The following ZNF10 variants were observed in gnomAD, a reference collection of about 807,000 sequenced individuals.
The protein encoded by ZNF10 is zinc finger protein 10, also known as zinc finger protein 10 (KOX 1).
In ZNF10, 8 loss-of-function variants were observed where a neutral mutation model predicts 12.2. That is an observed-to-expected ratio of 0.66 (90% CI 0.39 to 1.18). The LOEUF is 1.18. Ranked by LOEUF, ZNF10 falls within the 50% of genes most tolerant of loss-of-function variation. The probability of loss-of-function intolerance (pLI) is 0.01; values close to 1 mark genes in which losing one functional copy is unlikely to be tolerated. For synonymous variants in ZNF10, 229 were observed against 228.2 expected, an observed-to-expected ratio of 1.00 and a Z score of -0.03; for missense variants, 603 against 678.9, an observed-to-expected ratio of 0.89 and a Z score of 1.24.
Position 133,155,816 on chromosome 12 carries a change from A to T in ZNF10, c.570A>T (p.Ser190=). 6.2e-7 allele frequency: 1 copy of T among 1,613,852 alleles called. No homozygotes were observed. The highest frequency in any genetic ancestry group is 8.5e-7 in the Non-Finnish European group (1 of 1,179,914). ...VLREYFHKRD[S]HTKSLKHDLV... is the part of the protein sequence containing the mutation. The stretch of plus-strand genomic sequence containing the variant: ...GAGAGTATTTCCATAAACGTGACTC[A>T]CATACTAAAAGTTTAAAACATGATT... The change falls in exon 5 of 5, where the codon TCA becomes TCT. Residue 190 remains serine (S), a synonymous_variant. Coordinates refer to ENST00000248211, the MANE Select transcript of ZNF10 (RefSeq NM_015394.5).
Position 133,151,093 on chromosome 12 carries a change from T to G in ZNF10, c.99T>G (p.Thr33=), listed in dbSNP as rs758820010. ...FTREEWKLLD[T]AQQIVYRNVM... ...GGGAGGAGTGGAAGCTGCTGGACAC[T>G]GCTCAGCAGATCGTGTACAGAAATG... The change falls in exon 3 of 5, where the codon ACT becomes ACG. Residue 33 remains threonine, a synonymous_variant. Transcript: ENST00000248211. 2.5e-6 allele frequency: 4 copies of G among 1,613,916 alleles called. No individual in the cohort carries two copies. Among genetic ancestry groups the G allele is most frequent in the Non-Finnish European group, 3.4e-6 (4 of 1,179,900 alleles).
chr12:133,137,351 G>A (rs1955918390), intron 1 of ZNF10, among the ~76,000 whole-genome samples: 1 of 152,154 alleles, frequency 6.6e-6, no homozygotes. Context: ...TCTGAGAATG[G>A]CATTCTTGGC....
At chr12:133,150,728 G>A (rs957115785) in intron 2 of ZNF10, among the ~76,000 whole-genome samples, 18 of 152,016 alleles carry the variant, frequency 1.2e-4, no homozygotes, top group Non-Finnish European at 1.5e-5. Flanking sequence ...AACTTTTTTG[G>A]AGAATGGATG....
intron 1 of ZNF10, among the ~76,000 whole-genome samples, chr12:133,138,516 A>G (rs1955925569): frequency 6.6e-6 from 1 of 152,076 alleles, no homozygotes; most frequent in South Asian, 2.1e-4. Context: ...ATTTCCAGAT[A>G]TGTCATTTGA....
intron 1 of ZNF10, chr12:133,139,256 A>C (rs1186765139): frequency 6.6e-6 from 1 of 152,240 alleles, no homozygotes; most frequent in Admixed American, 6.5e-5. Context: ...TTAGGTAATG[A>C]CATAAGAATG....
intron 4 of ZNF10, 93 bp downstream of exon 4, chr12:133,151,997 C>A: frequency 3.3e-6 from 3 of 916,120 alleles, no homozygotes; most frequent in South Asian, 1.5e-5. Flanking sequence ...GCCCTCCTCA[C>A]AGGCCCTTCT....
intron 1 of ZNF10, among the ~76,000 whole-genome samples, chr12:133,140,803 T>G (rs1194148269): frequency 5.3e-5 from 8 of 152,238 alleles, no homozygotes; most frequent in Non-Finnish European, 1.0e-4. Context: ...CTTCTGAAGA[T>G]TTAAGGGTTT....
Position 133,155,968 on chromosome 12 carries a change from C to T in ZNF10, c.722C>T (p.Pro241Leu). 1 of 1,613,986 alleles carries T rather than the reference C, an allele frequency of 6.2e-7. No individual in the cohort carries two copies. Among genetic ancestry groups the T allele is most frequent in the African/African-American group, 1.3e-5 (1 of 75,046 alleles). ...THTGDKSYKCPDNDNSLTHGS... is the reference protein window; with the variant it reads ...THTGDKSYKCLDNDNSLTHGS... ...ACAGGTGATAAATCCTACAAATGCC[C>T]TGATAATGACAACTCTCTTACTCAT... Residue 241 changes from proline to leucine, a missense_variant, in exon 5 of 5, where the codon CCT becomes CTT. Coordinates refer to ENST00000248211, the MANE Select transcript of ZNF10 (RefSeq NM_015394.5).
chr12:133,151,892 G>C lies in ZNF10; in HGVS notation c.244G>C (p.Glu82Gln). The C allele has an allele frequency of 6.2e-7, 1 of 1,613,290 alleles. No homozygotes were observed. The highest frequency in any genetic ancestry group is 8.5e-7 in the Non-Finnish European group (1 of 1,179,466). The change falls in exon 4 of 5, where the codon GAG (glutamate) becomes CAG (glutamine). Residue 82 changes from glutamate to glutamine, a missense_variant. By Grantham distance (29) the Glu-to-Gln change is conservative. Transcript: ENST00000248211. The stretch of plus-strand genomic sequence containing the variant: ...GCTGGTGGAGAGAGAAATTCACCAA[G>C]AGACCCATCCTGGTGAGGACCAGTC... ...PWLVEREIHQ[E>Q]THPDSETAFE...
In ZNF10 at chr12:133,156,845, A is replaced by C; in HGVS notation, c.1599A>C (p.Ile533=). 1 of 1,531,718 alleles carries C rather than the reference A, an allele frequency of 6.5e-7. No homozygotes were observed. The allele number at this position is 1,531,718 out of a possible 1,614,324, so 94.9% of individuals were successfully genotyped here. ...GIIFSQNSPF[I]VHQIAHTGEQ... is the part of the protein sequence containing the mutation. The stretch of plus-strand genomic sequence containing the variant: ...TCTTCAGCCAGAACTCTCCATTTAT[A>C]GTTCATCAAATAGCTCACACTGGAG... The change falls in exon 5 of 5, where the codon ATA becomes ATC. Residue 533 remains isoleucine (I), a synonymous_variant. Coordinates refer to ENST00000248211, the MANE Select transcript of ZNF10 (RefSeq NM_015394.5).
Position 133,151,888 on chromosome 12 carries a change from C to T in ZNF10, c.240C>T (p.His80=). The change falls in exon 4 of 5, where the codon CAC becomes CAT. Residue 80 remains histidine, a synonymous_variant. Transcript: ENST00000248211. ...EEPWLVEREI[H]QETHPDSETA... ...CCTGGCTGGTGGAGAGAGAAATTCA[C>T]CAAGAGACCCATCCTGGTGAGGACC... 6.2e-7 allele frequency: 1 copy of T among 1,613,240 alleles called. No homozygotes were observed. Among genetic ancestry groups the T allele is most frequent in the African/African-American group, 1.3e-5 (1 of 74,994 alleles).
At chr12:133,155,437 C>T in intron 4 of ZNF10, 66 bp from the exon 5 acceptor site, 1 of 1,481,520 alleles carries the variant, frequency 6.7e-7, no homozygotes, top group South Asian at 1.4e-5. Context: ...TTTGTCTCCA[C>T]ATACATCCTA....
intron 4 of ZNF10, among the ~76,000 whole-genome samples, chr12:133,153,454 A>AC (rs1956020454): frequency 6.6e-6 from 1 of 151,558 alleles, no homozygotes; most frequent in African/African-American, 2.4e-5. Context: ...AGTGCTCAGC[A>AC]CCCCCCTTAT....
At chr12:133,130,944 G>A (rs889067745) in intron 1 of ZNF10, 190 bp downstream of exon 1, 5 of 152,184 alleles carry the variant, frequency 3.3e-5, no homozygotes, top group African/African-American at 1.2e-4. Flanking sequence ...CGGCGTTCAC[G>A]GCGGACGTTC....
At chr12:133,139,771 A>G (rs759100119) in intron 1 of ZNF10, among the ~76,000 whole-genome samples, 1 of 152,166 alleles carries the variant, frequency 6.6e-6, no homozygotes, top group Non-Finnish European at 1.5e-5. Flanking sequence ...GGTTGGGCGC[A>G]GTGGCTTACA....
intron 1 of ZNF10, among the ~76,000 whole-genome samples, chr12:133,132,396 A>G (rs1185631141): frequency 6.6e-6 from 1 of 151,532 alleles, no homozygotes; most frequent in Non-Finnish European, 1.5e-5. Flanking sequence ...CAACCTCCCT[A>G]GTAGCTGGGA....
intron 4 of ZNF10, among the ~76,000 whole-genome samples, chr12:133,154,773 A>G (rs924374711): frequency 2.0e-5 from 3 of 152,162 alleles, no homozygotes; most frequent in Admixed American, 2.0e-4. Context: ...GGCTGCATTC[A>G]TGGTTTAAGA....
rs1054213921 is a variant in ZNF10, at chr12:133,158,158, G to A, written c.*1190G>A. 5.3e-5 allele frequency: 8 copies of A among 152,134 alleles called. No homozygotes were observed. Among genetic ancestry groups the A allele is most frequent in the Non-Finnish European group, 1.5e-5 (1 of 68,022 alleles). 9.4% of individuals were successfully genotyped at this position (152,134 alleles called of 1,614,324 possible). A position where few individuals can be genotyped will look rare whatever the true frequency, so the allele number is the denominator to read the frequency against. The stretch of plus-strand genomic sequence containing the variant: ...CTGATATCCTCATCTGTAAATTAGC[G>A]ATAATAATAGTACTTACCTGGTAGG... On this transcript the variant is annotated 3_prime_UTR_variant, in exon 5 of 5. Coordinates refer to ENST00000248211, the MANE Select transcript of ZNF10 (RefSeq NM_015394.5).
intron 2 of ZNF10, among the ~76,000 whole-genome samples, chr12:133,148,426 A>G (rs566519312): frequency 2.0e-5 from 3 of 152,006 alleles, no homozygotes; most frequent in Non-Finnish European, 4.4e-5. Context: ...TGACCTATCA[A>G]TTTGTGCTTT....
Sources: gnomAD v4.1 joint callset for allele counts (sites outside exome capture counted in the v4.1 genomes callset) on GRCh38, gnomAD v4.1.1 for gene constraint, MANE v1.5 for transcripts, NCBI Gene and HGNC (gene_info 2026-07-23, HGNC 2026-07-21) for gene names.